Variants in NUP62 observed in about 807,000 individuals in gnomAD.
NUP62 encodes the protein nucleoporin 62, also known as nuclear pore glycoprotein p62.
For missense variants in NUP62, 647 were observed against 689.4 expected, an observed-to-expected ratio of 0.94 and a Z score of 0.69; for synonymous variants, 305 against 303.4, an observed-to-expected ratio of 1.01 and a Z score of -0.05.
In NUP62 at chr19:49,921,998, G is replaced by A. The variant is rs766112305; in HGVS notation, c.-78+5696C>T. On this transcript the variant is annotated intron_variant, in intron 2 of 2. Transcript: ENST00000352066. The surrounding 1 kb of genome is among the most constrained non-coding windows in gnomAD (Gnocchi z 5.4). ...CTAGGGCCCCAGGCCAGGCCACCACGACCACGAGGGACCAAGACAACAAGC... is the reference window on the plus strand; with the variant it reads ...CTAGGGCCCCAGGCCAGGCCACCACAACCACGAGGGACCAAGACAACAAGC... Among the ~76,000 whole-genome samples the A allele has an allele frequency of 1.3e-5, 2 of 152,174 alleles. No individual in the cohort carries two copies. The highest frequency in any genetic ancestry group is 1.3e-4 in the Admixed American group (2 of 15,280).
chr19:49,908,070 C>A lies in NUP62; in HGVS notation c.*169G>T. Reference sequence around the variant, plus strand: ...CTGCCTGGGCAGAAGGCCCAGAATACCCTCCTAAATGGAAAAACGCAAAGC... The same window carrying A: ...CTGCCTGGGCAGAAGGCCCAGAATAACCTCCTAAATGGAAAAACGCAAAGC... On this transcript the variant is annotated 3_prime_UTR_variant, in exon 3 of 3. Transcript: ENST00000352066. 2.1e-6 allele frequency: 3 copies of A among 1,405,492 alleles called. No homozygotes were observed. The highest frequency in any genetic ancestry group is 1.9e-6 in the Non-Finnish European group (2 of 1,063,920). The allele number at this position is 1,405,492 out of a possible 1,614,324, so 87.1% of individuals were successfully genotyped here.
intron 2 of NUP62, among the ~76,000 whole-genome samples, chr19:49,919,516 G>A (rs1282063424): frequency 6.6e-6 from 1 of 152,218 alleles, no homozygotes; most frequent in African/African-American, 2.4e-5. Context: ...TCCTGCCTCT[G>A]CCACTTGCTA....
rs1302439363 is a variant in NUP62 at position 49,909,304 on chromosome 19, G to A, written c.504C>T (p.Pro168=). 6.8e-6 allele frequency: 11 copies of A among 1,614,094 alleles called. No individual in the cohort carries two copies. In the Middle Eastern group the frequency reaches 1.2e-3, roughly 169 times the overall value. The change falls in exon 3 of 3, where the codon CCC becomes CCT. Residue 168 remains proline (P), a synonymous_variant. Transcript: ENST00000352066. ...FSFTGGSTAQ[P]SGFNIGSAGN... ...CTGCTGAGCCAATGTTGAAACCGGA[G>A]GGTTGGGCCGTGCTTCCACCAGTGA...
In NUP62 at chr19:49,909,203, G is replaced by A. The variant is rs141203662; in HGVS notation, c.605C>T (p.Ala202Val). 9 of 1,614,006 alleles carry A rather than the reference G, an allele frequency of 5.6e-6. No individual in the cohort carries two copies. Among genetic ancestry groups the A allele is most frequent in the Admixed American group, 1.7e-5 (1 of 60,006 alleles). Residue 202 changes from alanine (A) to valine (V), a missense_variant, in exon 3 of 3, where the codon GCC (alanine) becomes GTC (valine). By Grantham distance (64) the Ala-to-Val change is moderately conservative (BLOSUM62 0). Transcript: ENST00000352066. ...PATPAATTAGATQPAAPTPTA... is the reference protein window; with the variant it reads ...PATPAATTAGVTQPAAPTPTA... ...GGGTGTGGGAGCAGCTGGCTGTGTG[G>A]CACCTGCTGTGGTGGCTGCTGGCGT... is the stretch of plus-strand genomic sequence containing the variant.
At chr19:49,924,602 G>A (rs965816169) in intron 2 of NUP62, among the ~76,000 whole-genome samples, 1 of 152,236 alleles carries the variant, frequency 6.6e-6, no homozygotes, top group African/African-American at 2.4e-5. Context: ...AGGGGAGCTC[G>A]AGGCTGGGGG....
Position 49,907,932 on chromosome 19 carries a change from A to C in NUP62, c.*307T>G. 1 of 500,084 alleles carries C rather than the reference A, an allele frequency of 2.0e-6. No homozygotes were observed. The allele number at this position is 500,084 out of a possible 1,614,324, so 31.0% of individuals were successfully genotyped here. ...CACGACCCTGGCTGGGACCAAGACC[A>C]TCAGCACTTCTCCATCACCAGGCTG... On this transcript the variant is annotated 3_prime_UTR_variant, in exon 3 of 3. Coordinates refer to ENST00000352066, the MANE Select transcript of NUP62 (RefSeq NM_016553.5).
intron 2 of NUP62, chr19:49,918,469 T>A: frequency 6.6e-6 from 1 of 152,342 alleles, no homozygotes. Context: ...CAGAACCAGG[T>A]ATCCCCAATA....
At chr19:49,912,961 G>T (rs1047535690) in intron 2 of NUP62, 4 of 152,310 alleles carry the variant, frequency 2.6e-5, no homozygotes, top group African/African-American at 9.6e-5. Context: ...GAAGCCCAGA[G>T]TGGCTGGTTA....
At chr19:49,919,045 C>T (rs1042816653) in intron 2 of NUP62, among the ~76,000 whole-genome samples, 61 of 152,070 alleles carry the variant, frequency 4.0e-4, no homozygotes, top group Middle Eastern at 3.4e-3. Context: ...CCCAGCTACT[C>T]GGGAGGCTGA....
chr19:49,907,197 G>C lies in NUP62; in HGVS notation c.*1042C>G, dbSNP rs1172439243. The C allele has an allele frequency of 9.2e-6, 2 of 216,788 alleles. No individual in the cohort carries two copies. Among genetic ancestry groups the C allele is most frequent in the Non-Finnish European group, 1.9e-5 (2 of 105,550 alleles). 13.4% of individuals were successfully genotyped at this position (216,788 alleles called of 1,614,324 possible). A position where few individuals can be genotyped will look rare whatever the true frequency, so the allele number is the denominator to read the frequency against. On this transcript the variant is annotated 3_prime_UTR_variant, in exon 3 of 3. Coordinates refer to ENST00000352066, the MANE Select transcript of NUP62 (RefSeq NM_016553.5). The stretch of plus-strand genomic sequence containing the variant: ...GACGAGGCACAAACGGCTAGCACAG[G>C]ATAGCATAACAAGTGCCACCCAAGG...
chr19:49,914,214 T>C (rs1217104320), intron 2 of NUP62, among the ~76,000 whole-genome samples: 1 of 152,162 alleles, frequency 6.6e-6, no homozygotes, highest in Non-Finnish European at 1.5e-5. Context: ...AAATGCAAAC[T>C]ATTACGAGCT....
In NUP62 at chr19:49,908,876, G is replaced by T; in HGVS notation, c.932C>A (p.Thr311Asn). Residue 311 changes from threonine to asparagine, a missense_variant, in exon 3 of 3, where the codon ACC (threonine) becomes AAC (asparagine). Transcript: ENST00000352066. The part of the protein sequence containing the change: ...GIPSNTAAAV[T>N]APPGPGAAAG... ...AGCTGCGCCAGGGCCAGGTGGAGCG[G>T]TCACGGCAGCTGCTGTATTGCTGGG... is the stretch of plus-strand genomic sequence containing the variant. 6.2e-7 allele frequency: 1 copy of T among 1,610,648 alleles called. No homozygotes were observed.
chr19:49,913,457 C>T lies in NUP62; in HGVS notation c.-77-3573G>A, dbSNP rs77973470. 8.3e-3 allele frequency among the ~76,000 whole-genome samples: 1,258 copies of T among 152,278 alleles called. 6 individuals are homozygous for T. The highest frequency in any genetic ancestry group is 0.011 in the Admixed American group (161 of 15,288). Reference sequence around the variant, plus strand: ...GGCTTTGGGTCATACAGTATCAGCACGACCTCTGGAGGGGCTGGAGTCAGC... The same window carrying T: ...GGCTTTGGGTCATACAGTATCAGCATGACCTCTGGAGGGGCTGGAGTCAGC... On this transcript the variant is annotated intron_variant, in intron 2 of 2. Transcript: ENST00000352066.
rs3859440 is a variant in NUP62, at chr19:49,907,701, A to G, written c.*538T>C. 0.034 allele frequency: 11,736 copies of G among 344,184 alleles called. 762 individuals are homozygous for G. The highest frequency in any genetic ancestry group is 0.13 in the Admixed American group (3,147 of 23,636). The allele number at this position is 344,184 out of a possible 1,614,324, so 21.3% of individuals were successfully genotyped here. A position where few individuals can be genotyped will look rare whatever the true frequency, so the allele number is the denominator to read the frequency against. On this transcript the variant is annotated 3_prime_UTR_variant, in exon 3 of 3. Coordinates refer to ENST00000352066, the MANE Select transcript of NUP62 (RefSeq NM_016553.5). The stretch of plus-strand genomic sequence containing the variant: ...TCACAGGCGTCCACCACACCTGACT[A>G]ATTTTTGTATTTTTAGTAGAGACGG...
chr19:49,920,851 G>A (rs924649045), intron 2 of NUP62, among the ~76,000 whole-genome samples: 3 of 152,166 alleles, frequency 2.0e-5, no homozygotes, highest in African/African-American at 7.2e-5. Context: ...GAGGAACGGC[G>A]CACACCTGTG....
chr19:49,908,792 T>C lies in NUP62; in HGVS notation c.1016A>G (p.Lys339Arg). 6.2e-7 allele frequency: 1 copy of C among 1,613,724 alleles called. No homozygotes were observed. Residue 339 changes from lysine (K) to arginine (R), a missense_variant, in exon 3 of 3, where the codon AAA (lysine) becomes AGA (arginine). Transcript: ENST00000352066. ...CTGGTCCTCTAGCTCCAGGCTCCAT[T>C]TGTTGATCAGGCTCTCCAGCTGCGC... ...TYAQLESLIN[K>R]WSLELEDQER...
At chr19:49,917,304 A>G (rs1023570215) in intron 2 of NUP62, among the ~76,000 whole-genome samples, 2 of 152,164 alleles carry the variant, frequency 1.3e-5, no homozygotes, top group South Asian at 2.1e-4. Flanking sequence ...GACCATCTCC[A>G]TGAGTGCTAG....
chr19:49,908,992 G>A lies in NUP62; in HGVS notation c.816C>T (p.Ser272=), dbSNP rs567088786. ...GAASGTSTTT[S]TAATATATTT... ...TGGTGGCGGTGGCGGTGGCAGCGGT[G>A]GATGTTGTTGTGGAGGTGCCGGAAG... is the stretch of plus-strand genomic sequence containing the variant. Residue 272 remains serine, a synonymous_variant, in exon 3 of 3, where the codon TCC becomes TCT. Transcript: ENST00000352066. The A allele has an allele frequency of 6.8e-6, 11 of 1,611,064 alleles. No homozygotes were observed. The South Asian group carries it at 9.9e-5, about 14-fold the overall frequency.
chr19:49,929,220 A>C (rs1202860478), intron 1 of NUP62, 106 bp downstream of exon 1: 1 of 152,622 alleles, frequency 6.6e-6, no homozygotes, highest in Non-Finnish European at 1.5e-5. Flanking sequence ...CTGTCCTCGG[A>C]TCACAGTCTC....
Sources: allele counts gnomAD v4.1 joint callset (sites outside exome capture counted in the v4.1 genomes callset), GRCh38; gene constraint gnomAD v4.1.1; non-coding constraint Gnocchi (gnomAD v3.1); transcripts MANE v1.5; gene names NCBI Gene and HGNC (gene_info 2026-07-23, HGNC 2026-07-21).